TTC17: variants seen among roughly 807,000 people sequenced by gnomAD.
TTC17 encodes the protein tetratricopeptide repeat domain 17.
In TTC17, 58 loss-of-function variants were observed where a neutral mutation model predicts 143.8. The observed-to-expected ratio is 0.40, with a 90% CI of 0.33 to 0.50. The LOEUF is 0.50. TTC17 is among the 20% of genes least tolerant of loss of function. The pLI is 0.49. For synonymous variants in TTC17, 501 were observed against 497.8 expected, an observed-to-expected ratio of 1.01 and a Z score of -0.09; for missense variants, 1,273 against 1,392.5, an observed-to-expected ratio of 0.91 and a Z score of 1.37.
At chr11:43,438,718 C>A (rs1212102085) in intron 16 of TTC17, among the ~76,000 whole-genome samples, 2 of 152,116 alleles carry the variant, frequency 1.3e-5, no homozygotes, top group African/African-American at 4.8e-5. Context: ...GTGTTTACTT[C>A]TGTCTTGTTT....
intron 2 of TTC17, among the ~76,000 whole-genome samples, chr11:43,381,467 A>G (rs1856966464): frequency 6.6e-6 from 1 of 152,172 alleles, no homozygotes; most frequent in Non-Finnish European, 1.5e-5. Context: ...TAGGAACAGA[A>G]CGAGGCTTAC....
intron 21 of TTC17, among the ~76,000 whole-genome samples, chr11:43,452,752 T>C (rs540978590): frequency 2.6e-5 from 4 of 151,720 alleles, no homozygotes; most frequent in African/African-American, 9.7e-5. Context: ...CTGGGCAACA[T>C]AGCGAGACCC....
chr11:43,430,780 TTC>T (rs1205809451), intron 16 of TTC17, among the ~76,000 whole-genome samples: 1 of 150,716 alleles, frequency 6.6e-6, no homozygotes, highest in East Asian at 1.9e-4. Context: ...CATTGATAAC[TTC>T]TTTTTTTAAT....
intron 21 of TTC17, among the ~76,000 whole-genome samples, chr11:43,473,303 G>A (rs1299552325): frequency 3.3e-5 from 5 of 152,172 alleles, no homozygotes; most frequent in African/African-American, 1.2e-4. Context: ...ATGATACAGT[G>A]TAAAAGATAT....
chr11:43,439,092 A>G (rs1947357172), intron 16 of TTC17, among the ~76,000 whole-genome samples: 1 of 152,084 alleles, frequency 6.6e-6, no homozygotes, highest in Non-Finnish European at 1.5e-5. Context: ...TTCCTTTCCT[A>G]TGTCTTTGCT....
chr11:43,423,518 G>A (rs1338098529), intron 16 of TTC17, among the ~76,000 whole-genome samples: 1 of 151,998 alleles, frequency 6.6e-6, no homozygotes, highest in African/African-American at 2.4e-5. Flanking sequence ...AAGTTTAGAA[G>A]AACAGAGAGT....
chr11:43,410,268 A>G (rs1858349663), intron 15 of TTC17, among the ~76,000 whole-genome samples: 1 of 152,054 alleles, frequency 6.6e-6, no homozygotes. Context: ...TCCATCTCTC[A>G]TGTGTTAAAA....
intron 1 of TTC17, among the ~76,000 whole-genome samples, chr11:43,374,742 A>G (rs1251844925): frequency 6.9e-6 from 1 of 145,746 alleles, no homozygotes; most frequent in African/African-American, 2.5e-5. Context: ...ACTATTATTA[A>G]AAAGACCAAA....
chr11:43,424,067 AC>A (rs1946967300), intron 16 of TTC17, among the ~76,000 whole-genome samples: 2 of 151,028 alleles, frequency 1.3e-5, no homozygotes, highest in Admixed American at 1.3e-4. Flanking sequence ...AGGAGATGAA[AC>A]CAATAATCAT....
intron 5 of TTC17, among the ~76,000 whole-genome samples, chr11:43,393,591 C>G (rs1258267159): frequency 6.6e-6 from 1 of 152,152 alleles, no homozygotes; most frequent in Non-Finnish European, 1.5e-5. Context: ...AACTCAATCT[C>G]TACTCTCTCT....
intron 15 of TTC17, 112 bp downstream of exon 15, chr11:43,407,689 C>G: frequency 9.8e-7 from 1 of 1,018,712 alleles, no homozygotes; most frequent in Non-Finnish European, 1.4e-6. Flanking sequence ...TTTTGTCTTT[C>G]ACAGTAGCGT....
chr11:43,446,237 C>T, intron 18 of TTC17: 2 of 1,174,256 alleles, frequency 1.7e-6, no homozygotes, highest in Non-Finnish European at 2.1e-6. Context: ...CTGCCCTCTG[C>T]CGTGCTAAAA....
At chr11:43,492,885 C>A (rs767041393) in intron 23 of TTC17, among the ~76,000 whole-genome samples, 2 of 152,254 alleles carry the variant, frequency 1.3e-5, no homozygotes, top group African/African-American at 2.4e-5. Flanking sequence ...TCATGCCATT[C>A]GCTTTCATCT....
intron 16 of TTC17, among the ~76,000 whole-genome samples, chr11:43,427,536 C>T (rs1422149779): frequency 1.3e-5 from 2 of 152,108 alleles, no homozygotes; most frequent in African/African-American, 4.8e-5. Flanking sequence ...TGAGTTAGCA[C>T]TCATTGCTTT....
intron 21 of TTC17, among the ~76,000 whole-genome samples, chr11:43,479,257 A>AG (rs1554940908): frequency 6.6e-6 from 1 of 152,094 alleles, no homozygotes. Context: ...GAAAAAAAAA[A>AG]GTTCCTTTAT....
intron 17 of TTC17, 123 bp from the exon 18 acceptor site, chr11:43,443,933 T>G (rs889142086): frequency 8.6e-7 from 1 of 1,166,302 alleles, no homozygotes; most frequent in African/African-American, 1.6e-5. Flanking sequence ...TCTTTAAGAA[T>G]TAAACTCAAG....
chr11:43,429,175 G>T (rs998531960), intron 16 of TTC17, among the ~76,000 whole-genome samples: 3 of 152,178 alleles, frequency 2.0e-5, no homozygotes, highest in African/African-American at 7.2e-5. Context: ...ATTAGCAGTG[G>T]TTTCATTAAC....
At chr11:43,466,150 C>CAA (rs531446616) in intron 21 of TTC17, among the ~76,000 whole-genome samples, 173 of 152,140 alleles carry the variant, frequency 1.1e-3, no homozygotes, top group Admixed American at 1.8e-3. Context: ...AGATGATATG[C>CAA]AAACAGCCAA....
chr11:43,442,330 T>C (rs1207021603), intron 16 of TTC17, among the ~76,000 whole-genome samples: 1 of 152,340 alleles, frequency 6.6e-6, no homozygotes, highest in Admixed American at 6.5e-5. Context: ...CTGAAGATTA[T>C]TGCACTAGAA....
Sources: gnomAD v4.1 joint callset for allele counts (sites outside exome capture counted in the v4.1 genomes callset) on GRCh38, gnomAD v4.1.1 for gene constraint, MANE v1.5 for transcripts, NCBI Gene and HGNC (gene_info 2026-07-23, HGNC 2026-07-21) for gene names.